Variants in FOCAD observed in about 807,000 individuals in gnomAD.
The protein encoded by FOCAD is focadhesin, also known as KIAA1797.
Under a neutral mutation model 225.6 loss-of-function variants are expected in FOCAD, and 198 were observed. That is an observed-to-expected ratio of 0.88 (90% confidence interval 0.78 to 0.99). FOCAD has a LOEUF of 0.99. Among genes scored for constraint, FOCAD ranks in the 50% least tolerant of loss-of-function variants. The pLI is 0.00. For missense variants in FOCAD, 2,713 were observed against 2,123.6 expected, an observed-to-expected ratio of 1.28 and a Z score of -5.46; for synonymous variants, 897 against 755.0, an observed-to-expected ratio of 1.19 and a Z score of -3.08.
chr9:20,914,525 T>C lies in FOCAD; in HGVS notation c.2807+1571T>C, dbSNP rs531879348. 7.9e-5 allele frequency among the ~76,000 whole-genome samples: 12 copies of C among 152,248 alleles called. No individual in the cohort carries two copies. In the South Asian group the frequency reaches 2.1e-3, roughly 26 times the overall value. ...AATAATATGACATTTGAATGAGACCTGAAGGAAGTGGTGGAGTGAGCCAAG... is the reference window on the plus strand; with the variant it reads ...AATAATATGACATTTGAATGAGACCCGAAGGAAGTGGTGGAGTGAGCCAAG... On this transcript the variant is annotated intron_variant, in intron 23 of 43. Coordinates refer to ENST00000338382, the MANE Select transcript of FOCAD (RefSeq NM_001375567.1).
chr9:20,665,014 G>A (rs550975478), intron 2 of FOCAD, among the ~76,000 whole-genome samples: 1 of 151,968 alleles, frequency 6.6e-6, no homozygotes, highest in Non-Finnish European at 1.5e-5. Flanking sequence ...CGAATAAGTT[G>A]GTGGTAACAT....
chr9:20,861,101 T>A (rs1452118950), intron 15 of FOCAD, among the ~76,000 whole-genome samples: 2 of 152,208 alleles, frequency 1.3e-5, no homozygotes, highest in African/African-American at 4.8e-5. Context: ...CCCTGATGAC[T>A]CCTACCCATT....
At chr9:20,688,603 G>A (rs1205332158) in intron 1 of FOCAD, among the ~76,000 whole-genome samples, 1 of 152,136 alleles carries the variant, frequency 6.6e-6, no homozygotes, top group African/African-American at 2.4e-5. Context: ...TGTGAGAATG[G>A]ATGATGCCTA....
chr9:20,750,049 C>A (rs2131731119), intron 5 of FOCAD, among the ~76,000 whole-genome samples: 1 of 152,238 alleles, frequency 6.6e-6, no homozygotes, highest in Admixed American at 6.5e-5. Flanking sequence ...AGAGTGGGAA[C>A]ACTGAAATAT....
chr9:20,873,427 G>A (rs1829966738), intron 18 of FOCAD, among the ~76,000 whole-genome samples: 1 of 152,128 alleles, frequency 6.6e-6, no homozygotes, highest in Non-Finnish European at 1.5e-5. Context: ...GAATCAAAAG[G>A]TTTGCGAACA....
intron 2 of FOCAD, among the ~76,000 whole-genome samples, chr9:20,674,188 A>G (rs374343528): frequency 6.6e-6 from 1 of 152,344 alleles, no homozygotes; most frequent in East Asian, 1.9e-4. Flanking sequence ...TATTAGTATT[A>G]GAAATAAATA....
chr9:20,974,316 C>A (rs889233182), intron 35 of FOCAD, among the ~76,000 whole-genome samples: 3 of 130,780 alleles, frequency 2.3e-5, no homozygotes, highest in Non-Finnish European at 4.8e-5. Context: ...ATGGCCTCTG[C>A]TTCTCCTTTG....
intron 11 of FOCAD, among the ~76,000 whole-genome samples, chr9:20,807,389 T>A (rs1021841797): frequency 2.0e-5 from 3 of 152,246 alleles, no homozygotes; most frequent in Non-Finnish European, 2.9e-5. Flanking sequence ...CAGAGAATAG[T>A]GCTGTTCAAT....
intron 4 of FOCAD, among the ~76,000 whole-genome samples, chr9:20,729,310 T>G (rs935008086): frequency 1.3e-5 from 2 of 152,194 alleles, no homozygotes; most frequent in Non-Finnish European, 2.9e-5. Flanking sequence ...ATTCCTTGCC[T>G]TGTGGCCTTG....
intron 28 of FOCAD, among the ~76,000 whole-genome samples, chr9:20,942,029 T>A (rs1240555420): frequency 6.6e-6 from 1 of 152,198 alleles, no homozygotes; most frequent in East Asian, 1.9e-4. Context: ...GTTTTAGGAC[T>A]ACATTATTGG....
In FOCAD at chr9:20,778,738, G is replaced by A. The variant is rs768746638; in HGVS notation, c.964G>A (p.Ala322Thr). 1 of 1,611,344 alleles carries A rather than the reference G, an allele frequency of 6.2e-7. No homozygotes were observed. ...AGCTTTACTACTTCTACAGACTCCAGCAAGTCAGCAGAAGCCAATCTTAAA... is the reference window on the plus strand; with the variant it reads ...AGCTTTACTACTTCTACAGACTCCAACAAGTCAGCAGAAGCCAATCTTAAA... ...GIALLLLQTP[A>T]SQQKPILNLA... Residue 322 changes from alanine (A) to threonine (T), a missense_variant, in exon 9 of 44, where the codon GCA (alanine) becomes ACA (threonine). Coordinates refer to ENST00000338382, the MANE Select transcript of FOCAD (RefSeq NM_001375567.1).
chr9:20,840,358 C>T (rs1172740364), intron 15 of FOCAD, among the ~76,000 whole-genome samples: 1 of 151,564 alleles, frequency 6.6e-6, no homozygotes, highest in African/African-American at 2.4e-5. Flanking sequence ...TGTTTTATAG[C>T]ATTCATTGTA....
In FOCAD at chr9:20,720,430, G is replaced by C; in HGVS notation, c.183G>C (p.Val61=). The part of the protein sequence containing the change: ...LWEKCCSDNV[V]VRTACCEGLV... The stretch of plus-strand genomic sequence containing the variant: ...AGAAGTGTTGCAGTGACAATGTAGT[G>C]GTTCGAACAGCCTGCTGTGAAGGTC... Residue 61 remains valine, a synonymous_variant, in exon 4 of 44, where the codon GTG becomes GTC. Transcript: ENST00000338382. 1 of 1,614,078 alleles carries C rather than the reference G, an allele frequency of 6.2e-7. No individual in the cohort carries two copies. Among genetic ancestry groups the C allele is most frequent in the Non-Finnish European group, 8.5e-7 (1 of 1,180,002 alleles).
intron 4 of FOCAD, among the ~76,000 whole-genome samples, chr9:20,723,029 A>G (rs192503773): frequency 2.2e-4 from 33 of 152,328 alleles, no homozygotes; most frequent in Admixed American, 1.7e-3. Flanking sequence ...ATTCTAGAAG[A>G]TAATCTTAGA....
chr9:20,656,305 A>C (rs1382078505), upstream of FOCAD, among the ~76,000 whole-genome samples: 4 of 151,194 alleles, frequency 2.6e-5, no homozygotes, highest in East Asian at 5.8e-4. Flanking sequence ...GCTTGGTGCA[A>C]AGCTGAGTTC....
intron 19 of FOCAD, among the ~76,000 whole-genome samples, chr9:20,878,715 T>C (rs932777138): frequency 5.9e-5 from 9 of 152,194 alleles, no homozygotes; most frequent in African/African-American, 2.2e-4. Context: ...CTTACATGAT[T>C]ACAGTAGCTA....
rs1162522326 is a variant in FOCAD, at chr9:20,882,052, T to C, written c.2499T>C (p.Leu833=). 1 of 1,612,724 alleles carries C rather than the reference T, an allele frequency of 6.2e-7. No homozygotes were observed. The highest frequency in any genetic ancestry group is 8.5e-7 in the Non-Finnish European group (1 of 1,179,442). Residue 833 remains leucine, a synonymous_variant, in exon 20 of 44, where the codon CTT becomes CTC. Coordinates refer to ENST00000338382, the MANE Select transcript of FOCAD (RefSeq NM_001375567.1). ...TNKQPGLKPG[L]AGGMLFCYDV... ...AGCAACCAGGACTGAAACCTGGCCT[T>C]GCAGGTAAGGGTAGTACATAGTATC... is the stretch of plus-strand genomic sequence containing the variant.
intron 22 of FOCAD, among the ~76,000 whole-genome samples, chr9:20,911,668 AC>A (rs1325633629): frequency 4.6e-5 from 7 of 152,176 alleles, no homozygotes; most frequent in Non-Finnish European, 1.0e-4. Context: ...TTTGTTGGCC[AC>A]TTTTTACAAA....
rs1217308875 is a variant in FOCAD, at chr9:20,923,732, A to T, written c.2925A>T (p.Glu975Asp). 6.2e-7 allele frequency: 1 copy of T among 1,613,942 alleles called. No individual in the cohort carries two copies. Among genetic ancestry groups the T allele is most frequent in the East Asian group, 2.2e-5 (1 of 44,864 alleles). Reference sequence around the variant, plus strand: ...TTGCTGTCGTCGTATCTAGACATGAAGCCAGCCTCTCCTCAGACTCTGACG... The same window carrying T: ...TTGCTGTCGTCGTATCTAGACATGATGCCAGCCTCTCCTCAGACTCTGACG... ...SSLAVVVSRH[E>D]ASLSSDSDGL... Residue 975 changes from glutamate to aspartate, a missense_variant, in exon 25 of 44, where the codon GAA becomes GAT. Transcript: ENST00000338382.
Sources: allele counts gnomAD v4.1 joint callset (sites outside exome capture counted in the v4.1 genomes callset), GRCh38; gene constraint gnomAD v4.1.1; transcripts MANE v1.5; gene names NCBI Gene and HGNC (gene_info 2026-07-23, HGNC 2026-07-21).